The following PCDHGA4 variants were observed in gnomAD, a reference collection of about 807,000 sequenced individuals.
PCDHGA4 encodes protocadherin gamma subfamily A, 4.
PCDHGA4 carries 38 observed loss-of-function variants against 54.6 expected under a neutral mutation model. The ratio of observed to expected loss-of-function variants is 0.70; its 90% CI spans 0.54 to 0.91. PCDHGA4 has a LOEUF of 0.91. Among genes scored for constraint, PCDHGA4 ranks in the 40% least tolerant of loss-of-function variants. The pLI, the probability that PCDHGA4 is intolerant of heterozygous loss-of-function variation, is 0.00. For synonymous variants in PCDHGA4, 511 were observed against 512.9 expected (o/e 1.00, Z 0.05); for missense variants, 1,298 against 1,220.9 (o/e 1.06, Z -0.94).
intron 1 of PCDHGA4, among the ~76,000 whole-genome samples, chr5:141,461,100 T>C (rs926482549): frequency 1.1e-4 from 16 of 152,062 alleles, no homozygotes; most frequent in African/African-American, 3.6e-4. Context: ...TATAAACATA[T>C]GTGTCCAAGT....
chr5:141,360,829 G>C lies in PCDHGA4; in HGVS notation c.2514+3208G>C, dbSNP rs1467338981. On this transcript the variant is annotated intron_variant, in intron 1 of 3. Coordinates refer to ENST00000571252, the MANE Select transcript of PCDHGA4 (RefSeq NM_018917.4). The stretch of plus-strand genomic sequence containing the variant: ...TGGCACGACCCAAATCCGAATCAAA[G>C]TCACGGATGCCAACGATAACCCTCC... 11 of 1,613,980 alleles carry C rather than the reference G, an allele frequency of 6.8e-6. No homozygotes were observed. The South Asian group carries it at 1.2e-4, about 18-fold the overall frequency.
At chr5:141,420,907 C>G (rs916293573) in intron 1 of PCDHGA4, 3 of 301,914 alleles carry the variant, frequency 9.9e-6, no homozygotes, top group Admixed American at 4.6e-5. Context: ...TCTACAAATA[C>G]GTGTGATTCA....
intron 1 of PCDHGA4, among the ~76,000 whole-genome samples, chr5:141,381,671 T>TGCTGCAGCCAAGACAA (rs1777346396): frequency 6.6e-6 from 1 of 152,206 alleles, no homozygotes; most frequent in Non-Finnish European, 1.5e-5. Flanking sequence ...TATAGCTGAT[T>TGCTGCAGCCAAGACAA]GCTGCAGCCA....
intron 1 of PCDHGA4, chr5:141,405,210 A>G (rs752645800): frequency 1.2e-6 from 2 of 1,613,994 alleles, no homozygotes; most frequent in South Asian, 1.1e-5. Context: ...CTACAGACCT[A>G]TTCTCAGGAG....
intron 1 of PCDHGA4, chr5:141,478,174 G>GA (rs1156842877): frequency 3.7e-6 from 6 of 1,613,692 alleles, no homozygotes; most frequent in South Asian, 1.1e-5. Context: ...CCCGGGAGCA[G>GA]AAAAAAAATC....
At chr5:141,408,812 G>T (rs1383299883) in intron 1 of PCDHGA4, 2 of 1,613,454 alleles carry the variant, frequency 1.2e-6, no homozygotes, top group Non-Finnish European at 8.5e-7. Context: ...AGACCGGGAA[G>T]AACAGAGATC....
intron 1 of PCDHGA4, among the ~76,000 whole-genome samples, chr5:141,482,326 G>T (rs982211258): frequency 6.6e-6 from 1 of 152,072 alleles, no homozygotes. Context: ...AAAATAAAGA[G>T]AATATCTACT....
At chr5:141,408,844 C>G (rs1359968983) in intron 1 of PCDHGA4, 1 of 1,613,634 alleles carries the variant, frequency 6.2e-7, no homozygotes, top group South Asian at 1.1e-5. Context: ...TATTGACTGC[C>G]TTGGACGGAG....
At chr5:141,390,523 G>A in intron 1 of PCDHGA4, 1 of 556,304 alleles carries the variant, frequency 1.8e-6, no homozygotes, top group Non-Finnish European at 3.1e-6. Context: ...AGCAATGAGG[G>A]TGTGGTTTTA....
chr5:141,442,343 G>C (rs1300318674), intron 1 of PCDHGA4: 1 of 152,336 alleles, frequency 6.6e-6, no homozygotes, highest in Non-Finnish European at 1.5e-5. Flanking sequence ...CAGGTTTCTG[G>C]GTAACTGTAG....
Position 141,491,686 on chromosome 5 carries a change from C to A in PCDHGA4, c.2515-3121C>A. The A allele has an allele frequency of 6.2e-7, 1 of 1,612,970 alleles. No homozygotes were observed. The highest frequency in any genetic ancestry group is 8.5e-7 in the Non-Finnish European group (1 of 1,179,558). Reference sequence around the variant, plus strand: ...CATCCGGTCCCGCTCTAATACGCTGCGGGAGCGGAGCCAGGTGAGGGGCTC... The same window carrying A: ...CATCCGGTCCCGCTCTAATACGCTGAGGGAGCGGAGCCAGGTGAGGGGCTC... On this transcript the variant is annotated intron_variant, in intron 1 of 3. Coordinates refer to ENST00000571252, the MANE Select transcript of PCDHGA4 (RefSeq NM_018917.4). The surrounding 1 kb of genome is among the most constrained non-coding windows in gnomAD (Gnocchi z 6.9).
At position 141,356,700 on chromosome 5, in the gene PCDHGA4, T is replaced by A; in HGVS notation, c.1593T>A (p.Pro531=). Residue 531 remains proline (P), a synonymous_variant, in exon 1 of 4, where the codon CCT becomes CCA. Coordinates refer to ENST00000571252, the MANE Select transcript of PCDHGA4 (RefSeq NM_018917.4). ...SLAEDTFQGA[P]LSSYVSINSN... ...CCGAAGACACCTTCCAGGGTGCACC[T>A]CTGTCCTCCTATGTCTCCATCAACT... 6.2e-7 allele frequency: 1 copy of A among 1,614,002 alleles called. No homozygotes were observed. Among genetic ancestry groups the A allele is most frequent in the Non-Finnish European group, 8.5e-7 (1 of 1,179,888 alleles).
At chr5:141,381,441 G>A (rs1777194515) in intron 1 of PCDHGA4, among the ~76,000 whole-genome samples, 1 of 152,202 alleles carries the variant, frequency 6.6e-6, no homozygotes, top group Admixed American at 6.5e-5. Flanking sequence ...ATCCTGTCAG[G>A]ACAGTCCTGC....
intron 1 of PCDHGA4, chr5:141,372,843 T>C (rs1344316065): frequency 6.6e-7 from 1 of 1,510,382 alleles, no homozygotes; most frequent in East Asian, 2.3e-5. Flanking sequence ...TCCATAAATA[T>C]AATTGGGTTT....
In PCDHGA4 at chr5:141,372,908, T is replaced by A. The variant is rs1769157545; in HGVS notation, c.2514+15287T>A. The A allele has an allele frequency of 7.4e-6, 8 of 1,075,948 alleles. No individual in the cohort carries two copies. In the East Asian group the frequency reaches 2.1e-4, roughly 28 times the overall value. The allele number at this position is 1,075,948 out of a possible 1,614,324, so 66.7% of individuals were successfully genotyped here. ...ACAGATTAAATATTCCCTGATTACA[T>A]TATTTTATTGATTTTCTGGTGTAGA... On this transcript the variant is annotated intron_variant, in intron 1 of 3. Transcript: ENST00000571252.
At chr5:141,379,309 C>T (rs1297432422) in intron 1 of PCDHGA4, 3 of 152,102 alleles carry the variant, frequency 2.0e-5, no homozygotes, top group Admixed American at 1.3e-4. Context: ...TATACCTAAA[C>T]AAGAGATCTA....
rs1562063782 is a variant in PCDHGA4, at chr5:141,477,676, A to G, written c.2515-17131A>G. ...TAAATCGTGACAATGGCATAGTGTC[A>G]TCCTTAGTGCCCCTAGACTATGAGG... On this transcript the variant is annotated intron_variant, in intron 1 of 3. Coordinates refer to ENST00000571252, the MANE Select transcript of PCDHGA4 (RefSeq NM_018917.4). This position sits in a 1 kb window ranked among gnomAD's most constrained non-coding sequence, Gnocchi z 4.9. The G allele has an allele frequency of 1.2e-6, 2 of 1,614,194 alleles. No homozygotes were observed. The highest frequency in any genetic ancestry group is 1.7e-6 in the Non-Finnish European group (2 of 1,180,046).
chr5:141,445,311 G>A (rs2098463310), intron 1 of PCDHGA4, among the ~76,000 whole-genome samples: 1 of 152,150 alleles, frequency 6.6e-6, no homozygotes, highest in East Asian at 1.9e-4. Flanking sequence ...CAGTTTGTAG[G>A]TTGAGAGAAC....
At chr5:141,376,426 C>T in intron 1 of PCDHGA4, 1 of 1,614,230 alleles carries the variant, frequency 6.2e-7, no homozygotes, top group Non-Finnish European at 8.5e-7. Context: ...CGCTTATCAA[C>T]CAGGAGAGCT....
Sources: gnomAD v4.1 joint callset for allele counts (sites outside exome capture counted in the v4.1 genomes callset) on GRCh38, gnomAD v4.1.1 for gene constraint, Gnocchi (gnomAD v3.1) non-coding constraint, MANE v1.5 for transcripts, NCBI Gene and HGNC (gene_info 2026-07-23, HGNC 2026-07-21) for gene names.